The following RBFOX3 variants were observed in gnomAD, a reference collection of about 807,000 sequenced individuals.
RBFOX3 encodes RNA binding protein fox-1 homolog 3.
Under a neutral mutation model 48.7 loss-of-function variants are expected in RBFOX3, and 17 were observed. That is an observed-to-expected ratio of 0.35 (90% confidence interval 0.24 to 0.52). The LOEUF (loss-of-function observed/expected upper bound fraction) is 0.52. Among genes scored for constraint, RBFOX3 ranks in the 20% least tolerant of loss-of-function variants. The pLI is 0.94. For missense variants in RBFOX3, 382 were observed against 497.5 expected (o/e 0.77, Z 2.21); for synonymous variants, 212 against 209.5 (o/e 1.01, Z -0.10).
intron 3 of RBFOX3, among the ~76,000 whole-genome samples, chr17:79,261,203 T>C (rs948032681): frequency 2.0e-5 from 3 of 152,076 alleles, no homozygotes; most frequent in African/African-American, 7.2e-5. Context: ...CCTATTGCAA[T>C]GTAAGCACAA....
chr17:79,404,991 G>T (rs971632130), intron 2 of RBFOX3, among the ~76,000 whole-genome samples: 8 of 152,180 alleles, frequency 5.3e-5, no homozygotes, highest in African/African-American at 1.9e-4. Flanking sequence ...GCCTGCATCG[G>T]ATCGTCCCAC....
chr17:79,142,137 G>A (rs978164397), intron 4 of RBFOX3, among the ~76,000 whole-genome samples: 4 of 152,172 alleles, frequency 2.6e-5, no homozygotes, highest in Non-Finnish European at 4.4e-5. Context: ...GAGCCACACC[G>A]AAAACACAAC....
Position 79,243,559 on chromosome 17 carries a change from G to A in RBFOX3, c.-73-7754C>T, listed in dbSNP as rs917793313. On this transcript the variant is annotated intron_variant, in intron 3 of 14. Coordinates refer to ENST00000693108, the MANE Select transcript of RBFOX3 (RefSeq NM_001350451.2). This position sits in a 1 kb window ranked among gnomAD's most constrained non-coding sequence, Gnocchi z 7.9. ...GATATATTAGAGGTTCTGTCTGGTG[G>A]GATGAGGTCTGCAGGCACCTGGCTG... Among the ~76,000 whole-genome samples, 1 of 152,124 alleles carries A rather than the reference G, an allele frequency of 6.6e-6. No individual in the cohort carries two copies. The highest frequency in any genetic ancestry group is 1.5e-5 in the Non-Finnish European group (1 of 68,030).
intron 2 of RBFOX3, among the ~76,000 whole-genome samples, chr17:79,404,714 TCCC>T (rs2063325056): frequency 6.6e-6 from 1 of 151,884 alleles, no homozygotes; most frequent in African/African-American, 2.4e-5. Flanking sequence ...ACAGCCTCCC[TCCC>T]CCAAGAACCA....
chr17:79,137,231 CTT>C (rs2040424407), intron 4 of RBFOX3, among the ~76,000 whole-genome samples: 2 of 126,068 alleles, frequency 1.6e-5, no homozygotes, highest in Non-Finnish European at 1.7e-5. Context: ...CACAGACCCT[CTT>C]CATGCACACA....
At chr17:79,452,022 G>C (rs184249777) in intron 2 of RBFOX3, among the ~76,000 whole-genome samples, 1 of 152,204 alleles carries the variant, frequency 6.6e-6, no homozygotes, top group East Asian at 1.9e-4. Context: ...AGGGCTTTAC[G>C]CTATGTTCCC....
intron 2 of RBFOX3, among the ~76,000 whole-genome samples, chr17:79,388,688 G>C (rs549156872): frequency 6.6e-6 from 1 of 152,096 alleles, no homozygotes; most frequent in Admixed American, 6.5e-5. Context: ...GGATGTCCAC[G>C]TCCCGGCCAG....
At chr17:79,395,373 G>T (rs1462146249) in intron 2 of RBFOX3, among the ~76,000 whole-genome samples, 1 of 152,216 alleles carries the variant, frequency 6.6e-6, no homozygotes, top group Non-Finnish European at 1.5e-5. Context: ...GTGCCGGGAG[G>T]AACCACACTT....
At position 79,329,106 on chromosome 17, in the gene RBFOX3, C is replaced by T. The variant is rs1014419892; in HGVS notation, c.-174-21282G>A. Among the ~76,000 whole-genome samples the T allele has an allele frequency of 7.9e-5, 12 of 152,272 alleles. No homozygotes were observed. In the East Asian group the frequency reaches 9.6e-4, roughly 12 times the overall value. On this transcript the variant is annotated intron_variant, in intron 2 of 14. Transcript: ENST00000693108. ...ATAGTCCCCACCCCACCCACTAAATCCCAGCCCTGGCTCCCGCAGGGCCAG... is the reference window on the plus strand; with the variant it reads ...ATAGTCCCCACCCCACCCACTAAATTCCAGCCCTGGCTCCCGCAGGGCCAG...
chr17:79,242,947 C>T lies in RBFOX3; in HGVS notation c.-73-7142G>A, dbSNP rs999279287. On this transcript the variant is annotated intron_variant, in intron 3 of 14. Transcript: ENST00000693108. The surrounding 1 kb of genome is among the most constrained non-coding windows in gnomAD (Gnocchi z 5.8). ...CCAGTGGGGCCTTACTCCTCCTCTG[C>T]CTGCGTGGACACTGCTGTGGGCCCC... Among the ~76,000 whole-genome samples, 5 of 152,290 alleles carry T rather than the reference C, an allele frequency of 3.3e-5. No individual in the cohort carries two copies. The East Asian group carries it at 9.6e-4, about 29-fold the overall frequency.
At chr17:79,110,638 C>A (rs577593296) in intron 5 of RBFOX3, among the ~76,000 whole-genome samples, 2 of 152,362 alleles carry the variant, frequency 1.3e-5, no homozygotes, top group South Asian at 4.1e-4. Flanking sequence ...GCCAGTCAGC[C>A]TTGGAGGAGG....
intron 3 of RBFOX3, among the ~76,000 whole-genome samples, chr17:79,255,658 T>G (rs571849486): frequency 4.3e-4 from 65 of 152,138 alleles, no homozygotes; most frequent in African/African-American, 1.5e-3. Flanking sequence ...CAACACTGCA[T>G]GGGCAGGGTG....
chr17:79,243,737 G>C lies in RBFOX3; in HGVS notation c.-73-7932C>G, dbSNP rs2062735783. On this transcript the variant is annotated intron_variant, in intron 3 of 14. Transcript: ENST00000693108. This position sits in a 1 kb window ranked among gnomAD's most constrained non-coding sequence, Gnocchi z 7.9. Reference sequence around the variant, plus strand: ...AGACACCATAGTGTATCCTCCACCTGTCCCTGGGTCAGCCAGGCTCAGAAA... The same window carrying C: ...AGACACCATAGTGTATCCTCCACCTCTCCCTGGGTCAGCCAGGCTCAGAAA... Among the ~76,000 whole-genome samples the C allele has an allele frequency of 6.6e-6, 1 of 152,106 alleles. No homozygotes were observed. Among genetic ancestry groups the C allele is most frequent in the Admixed American group, 6.5e-5 (1 of 15,274 alleles).
At chr17:79,509,024 C>T (rs2083645367) in intron 1 of RBFOX3, among the ~76,000 whole-genome samples, 2 of 152,182 alleles carry the variant, frequency 1.3e-5, no homozygotes, top group Non-Finnish European at 2.9e-5. Context: ...TCCGGGCCCC[C>T]CGAAGGCTGA....
chr17:79,403,290 G>T (rs570879110), intron 2 of RBFOX3, among the ~76,000 whole-genome samples: 1 of 152,276 alleles, frequency 6.6e-6, no homozygotes, highest in South Asian at 2.1e-4. Flanking sequence ...CCCTTGGCTG[G>T]CAAGGCCCAC....
intron 1 of RBFOX3, among the ~76,000 whole-genome samples, chr17:79,602,421 G>T (rs1441946722): frequency 1.3e-5 from 2 of 152,106 alleles, no homozygotes; most frequent in South Asian, 2.1e-4. Flanking sequence ...TGTACCCTTG[G>T]ATAGCACCCC....
At chr17:79,347,752 T>C (rs911920962) in intron 2 of RBFOX3, among the ~76,000 whole-genome samples, 1 of 152,244 alleles carries the variant, frequency 6.6e-6, no homozygotes, top group African/African-American at 2.4e-5. Flanking sequence ...ATGTCCCTTA[T>C]CTCATTTAGG....
intron 3 of RBFOX3, among the ~76,000 whole-genome samples, chr17:79,271,825 C>G (rs1464138035): frequency 6.6e-6 from 1 of 152,204 alleles, no homozygotes; most frequent in Non-Finnish European, 1.5e-5. Context: ...CCCAGGACAC[C>G]ATGAGGAGAG....
At chr17:79,318,852 C>A in intron 2 of RBFOX3, among the ~76,000 whole-genome samples, 1 of 21,778 alleles carries the variant, frequency 4.6e-5, no homozygotes. Flanking sequence ...GAGACTCCAT[C>A]TCAAAAAAAA....
Sources: gnomAD v4.1 joint callset for allele counts (sites outside exome capture counted in the v4.1 genomes callset) on GRCh38, gnomAD v4.1.1 for gene constraint, Gnocchi (gnomAD v3.1) non-coding constraint, MANE v1.5 for transcripts, NCBI Gene and HGNC (gene_info 2026-07-23, HGNC 2026-07-21) for gene names.